OTUD7B: variants seen among roughly 807,000 people sequenced by gnomAD.
OTUD7B encodes the protein OTU domain-containing protein 7B.
OTUD7B carries 34 observed loss-of-function variants against 82.2 expected under a neutral mutation model. The observed-to-expected ratio is 0.41, with a 90% CI of 0.31 to 0.55. The LOEUF (loss-of-function observed/expected upper bound fraction) is 0.55, where lower values mean the gene tolerates loss of function less well. Ranked by LOEUF, OTUD7B falls within the 20% of genes least tolerant of loss-of-function variation. The pLI is 0.20. For synonymous variants in OTUD7B, 398 were observed against 402.7 expected (o/e 0.99, Z 0.14); for missense variants, 944 against 1,062.1 (o/e 0.89, Z 1.55).
chr1:149,973,858 AT>A (rs1220689600), intron 2 of OTUD7B, among the ~76,000 whole-genome samples: 37 of 132,752 alleles, frequency 2.8e-4, no homozygotes, highest in African/African-American at 5.7e-4. Context: ...GCCCCTTCTA[AT>A]TTTTTTTTTT....
the OTUD7B span, among the ~76,000 whole-genome samples, chr1:150,032,465 GA>G: frequency 2.3e-5 from 2 of 85,768 alleles, no homozygotes; most frequent in African/African-American, 1.2e-4. Flanking sequence ...CCTGTCTACA[GA>G]AAAAAAAAAA....
intron 7 of OTUD7B, 146 bp downstream of exon 7, chr1:149,959,538 T>C: frequency 3.2e-6 from 2 of 621,638 alleles, no homozygotes; most frequent in South Asian, 2.0e-5. Flanking sequence ...AAACATATCA[T>C]GTTGTTACAC....
At chr1:149,953,949 A>G (rs587758910) in intron 7 of OTUD7B, among the ~76,000 whole-genome samples, 2,333 of 152,216 alleles carry the variant, frequency 0.015, 50 homozygotes, top group African/African-American at 0.05. Flanking sequence ...ATTTTGGGCT[A>G]AGACAGTGGG....
At position 149,944,451 on chromosome 1, in the gene OTUD7B, C is replaced by T. The variant is rs782661671; in HGVS notation, c.1938G>A (p.Lys646=). The T allele has an allele frequency of 6.2e-7, 1 of 1,614,134 alleles. No individual in the cohort carries two copies. The highest frequency in any genetic ancestry group is 1.1e-5 in the South Asian group (1 of 91,082). Residue 646 remains lysine, a synonymous_variant, in exon 12 of 12, where the codon AAG becomes AAA. Transcript: ENST00000581312. ...CATTCATGATCTTCCTCTCTGCCTC[C>T]TTCTGCTTCTGTTCTGCCAGGAATC... ...EERFLAEQKQ[K]EAERKIMNGG...
upstream of OTUD7B, among the ~76,000 whole-genome samples, chr1:150,014,712 A>G (rs1401831385): frequency 1.3e-5 from 2 of 152,200 alleles, no homozygotes; most frequent in Non-Finnish European, 2.9e-5. Context: ...AAAGCCATTT[A>G]TGTGAAATTC....
At chr1:150,019,793 T>TA in the OTUD7B span, among the ~76,000 whole-genome samples, 2 of 152,166 alleles carry the variant, frequency 1.3e-5, no homozygotes, top group East Asian at 3.8e-4. Context: ...AGAGAGCTCA[T>TA]AGATTGCTCT....
At chr1:149,981,330 C>G (rs999598064) in intron 1 of OTUD7B, among the ~76,000 whole-genome samples, 5 of 152,194 alleles carry the variant, frequency 3.3e-5, no homozygotes, top group Non-Finnish European at 7.3e-5. Flanking sequence ...ATAGTCTCCA[C>G]TTGGATACAA....
chr1:150,066,564 T>G, the OTUD7B span, among the ~76,000 whole-genome samples: 1 of 152,216 alleles, frequency 6.6e-6, no homozygotes, highest in African/African-American at 2.4e-5. The surrounding 1 kb of genome is among the most constrained non-coding windows in gnomAD (Gnocchi z 4.6). Context: ...AATGTTAAAG[T>G]GCTATTGGTC....
At chr1:150,036,262 C>CT in the OTUD7B span, among the ~76,000 whole-genome samples, 17,860 of 136,544 alleles carry the variant, frequency 0.13, 1,486 homozygotes, top group Non-Finnish European at 0.17. Flanking sequence ...TTCATTGTAA[C>CT]TTTTTTTTTT....
chr1:149,941,913 C>T lies in OTUD7B; in HGVS notation c.*1944G>A, dbSNP rs782317697. 2.0e-5 allele frequency: 3 copies of T among 152,180 alleles called. No individual in the cohort carries two copies. The highest frequency in any genetic ancestry group is 4.4e-5 in the Non-Finnish European group (3 of 68,044). The allele number at this position is 152,180 out of a possible 1,614,324, so 9.4% of individuals were successfully genotyped here. ...ATACACATCCCTTCCTTTGGAATCT[C>T]ACTGCTTCCTTAACACAAATCTATT... On this transcript the variant is annotated 3_prime_UTR_variant, in exon 12 of 12. Transcript: ENST00000581312.
the OTUD7B span, among the ~76,000 whole-genome samples, chr1:150,066,045 T>A: frequency 2.0e-5 from 3 of 152,198 alleles, no homozygotes; most frequent in African/African-American, 4.8e-5. The surrounding 1 kb of genome is among the most constrained non-coding windows in gnomAD (Gnocchi z 4.6). Flanking sequence ...CTGACTATTG[T>A]TTAAAAAGGC....
chr1:149,948,668 C>A (rs1170224725), intron 10 of OTUD7B, among the ~76,000 whole-genome samples: 1 of 152,184 alleles, frequency 6.6e-6, no homozygotes, highest in Non-Finnish European at 1.5e-5. Flanking sequence ...CCATGCCCGG[C>A]CTGATTATCC....
chr1:150,037,147 A>G, the OTUD7B span, among the ~76,000 whole-genome samples: 2 of 152,292 alleles, frequency 1.3e-5, no homozygotes, highest in East Asian at 1.9e-4. Flanking sequence ...TCAGCATTCT[A>G]TCTAATGGAA....
chr1:150,019,684 A>G, the OTUD7B span, among the ~76,000 whole-genome samples: 2 of 152,150 alleles, frequency 1.3e-5, no homozygotes, highest in Non-Finnish European at 2.9e-5. Context: ...AGGGAAATTT[A>G]TCTACTGCAA....
At chr1:150,023,855 C>T in the OTUD7B span, among the ~76,000 whole-genome samples, 3 of 152,140 alleles carry the variant, frequency 2.0e-5, no homozygotes, top group South Asian at 6.2e-4. Flanking sequence ...AATCTTTCTA[C>T]ATGTATACAT....
chr1:150,059,051 TTC>T, the OTUD7B span, among the ~76,000 whole-genome samples: 2,428 of 149,336 alleles, frequency 0.016, 67 homozygotes, highest in African/African-American at 0.057. Flanking sequence ...TTACTTTCTT[TTC>T]TTTTTTTTTT....
chr1:150,015,756 T>C, the OTUD7B span, among the ~76,000 whole-genome samples: 1 of 152,114 alleles, frequency 6.6e-6, no homozygotes, highest in African/African-American at 2.4e-5. Flanking sequence ...GTACATGGCT[T>C]CAGGGGAGAT....
chr1:149,980,589 C>T (rs921658123), intron 1 of OTUD7B, among the ~76,000 whole-genome samples: 9 of 151,846 alleles, frequency 5.9e-5, no homozygotes, highest in African/African-American at 2.2e-4. Context: ...GGTGTGGTGG[C>T]TAGTCCCAGC....
At chr1:150,040,763 G>A in the OTUD7B span, among the ~76,000 whole-genome samples, 8 of 145,144 alleles carry the variant, frequency 5.5e-5, no homozygotes, top group Non-Finnish European at 3.0e-5. Flanking sequence ...AGGCTGGAGT[G>A]CAATGGTGCA....
Sources: allele counts gnomAD v4.1 joint callset (sites outside exome capture counted in the v4.1 genomes callset), GRCh38; gene constraint gnomAD v4.1.1; non-coding constraint Gnocchi (gnomAD v3.1); transcripts MANE v1.5; gene names NCBI Gene and HGNC (gene_info 2026-07-23, HGNC 2026-07-21).